The following FGF13 variants were observed in gnomAD, a reference collection of about 807,000 sequenced individuals.
FGF13 encodes fibroblast growth factor 13, also known as fibroblast growth factor homologous factor 2.
Under a neutral mutation model 19.5 loss-of-function variants are expected in FGF13, and 2 were observed. The observed-to-expected ratio is 0.10, with a 90% confidence interval of 0.04 to 0.32. The LOEUF is 0.32. Ranked by LOEUF, FGF13 falls within the 10% of genes least tolerant of loss-of-function variation. The pLI is 1.00. For missense variants in FGF13, 113 were observed against 192.7 expected (o/e 0.59, Z 2.45); for synonymous variants, 72 against 76.9 (o/e 0.94, Z 0.33).
At chrX:139,180,910 T>TA (rs1364324061) in intron 1 of FGF13, among the ~76,000 whole-genome samples, 1 of 112,257 alleles carries the variant, frequency 8.9e-6, no homozygotes, top group African/African-American at 3.2e-5. Context: ...ACGTGCCAGG[T>TA]ACTACATGAA....
intron 1 of FGF13, among the ~76,000 whole-genome samples, chrX:139,090,035 C>G (rs1242717833): frequency 8.9e-6 from 1 of 111,814 alleles, no homozygotes; most frequent in Admixed American, 9.5e-5. Context: ...CTTTTCATAG[C>G]TCCCAGGATA....
intron 1 of FGF13, among the ~76,000 whole-genome samples, chrX:139,113,441 TATTA>T (rs1250925313): frequency 8.9e-6 from 1 of 112,069 alleles, no homozygotes; most frequent in African/African-American, 3.2e-5. Flanking sequence ...TTGCTAGAAT[TATTA>T]ATGTTTCTTC....
chrX:138,723,206 TCTTA>T (rs1442655585), intron 1 of FGF13, among the ~76,000 whole-genome samples: 5 of 111,821 alleles, frequency 4.5e-5, no homozygotes, highest in Non-Finnish European at 9.4e-5. Context: ...TTCTACTCCC[TCTTA>T]CTTTCTTTCT....
intron 3 of FGF13, among the ~76,000 whole-genome samples, chrX:138,818,223 T>C (rs147944681): frequency 0.011 from 1,276 of 111,261 alleles, 10 homozygotes; most frequent in Non-Finnish European, 0.017. Context: ...ATAACATTAA[T>C]CATAATTGTA....
Position 138,852,449 on chromosome X carries a change from T to C in FGF13, c.217+5063A>G, listed in dbSNP as rs1289665159. ...TGACAAACTTGACAAAAACAAGGAG[T>C]TGGGAAAGGATTCCCTACTTAATAA... is the stretch of plus-strand genomic sequence containing the variant. On this transcript the variant is annotated intron_variant, in intron 3 of 6. Coordinates refer to the FGF13 transcript ENST00000436198. Among the ~76,000 whole-genome samples, 6 of 111,043 alleles carry C rather than the reference T, an allele frequency of 5.4e-5. No homozygotes were observed. The East Asian group carries it at 1.7e-3, about 32-fold the overall frequency.
intron 1 of FGF13, among the ~76,000 whole-genome samples, chrX:138,907,052 A>G (rs1032670063): frequency 9.0e-6 from 1 of 111,384 alleles, no homozygotes; most frequent in African/African-American, 3.3e-5. Flanking sequence ...TCTCCATCCC[A>G]TTTATTTCCT....
At chrX:139,126,238 C>T (rs1217034159) in intron 1 of FGF13, among the ~76,000 whole-genome samples, 2 of 111,647 alleles carry the variant, frequency 1.8e-5, no homozygotes, top group Non-Finnish European at 3.8e-5. Flanking sequence ...ACTGACCCTT[C>T]CCATAGAACG....
chrX:138,828,027 C>T (rs1277124197), intron 3 of FGF13, among the ~76,000 whole-genome samples: 1 of 111,559 alleles, frequency 9.0e-6, no homozygotes, highest in Non-Finnish European at 1.9e-5. Context: ...ACACTGGTGA[C>T]GACAAATTCT....
At chrX:138,951,399 A>T (rs895021695) in intron 1 of FGF13, among the ~76,000 whole-genome samples, 1 of 112,117 alleles carries the variant, frequency 8.9e-6, no homozygotes, top group African/African-American at 3.2e-5. Flanking sequence ...ACAATAAAAC[A>T]TTGATAAATT....
At chrX:138,655,041 G>C (rs1441732112) in intron 3 of FGF13, among the ~76,000 whole-genome samples, 4 of 111,621 alleles carry the variant, frequency 3.6e-5, no homozygotes, top group Non-Finnish European at 7.5e-5. Flanking sequence ...AATTCCAAGA[G>C]CTTAAATTTT....
At chrX:138,847,333 G>A (rs1420680247) in intron 3 of FGF13, among the ~76,000 whole-genome samples, 2 of 111,970 alleles carry the variant, frequency 1.8e-5, no homozygotes, top group African/African-American at 6.5e-5. Flanking sequence ...GCACAGTGTT[G>A]TCACTGAAGA....
intron 1 of FGF13, among the ~76,000 whole-genome samples, chrX:139,019,120 T>C (rs1037458908): frequency 8.9e-6 from 1 of 111,879 alleles, no homozygotes; most frequent in African/African-American, 3.2e-5. Context: ...CATGTCTTAT[T>C]TTAAAAATGA....
intron 1 of FGF13, among the ~76,000 whole-genome samples, chrX:139,042,460 G>A (rs1231637532): frequency 9.0e-6 from 1 of 111,401 alleles, no homozygotes; most frequent in Non-Finnish European, 1.9e-5. Context: ...CTCAGTTTAG[G>A]GACAGATTCA....
In FGF13 at chrX:138,842,651, T is replaced by C. The variant is rs2091157046; in HGVS notation, c.217+14861A>G. 2.7e-5 allele frequency among the ~76,000 whole-genome samples: 3 copies of C among 111,071 alleles called. No homozygotes were observed. In the Admixed American group the frequency reaches 2.9e-4, roughly 11 times the overall value. On this transcript the variant is annotated intron_variant, in intron 3 of 6. Coordinates refer to the FGF13 transcript ENST00000436198. ...AGCCCAGTGGTTCTTAACAAGGTGA[T>C]TTTGCTCCTTATGGGATATTTGGCA...
At chrX:139,170,520 C>T (rs192474578) in intron 1 of FGF13, among the ~76,000 whole-genome samples, 234 of 111,835 alleles carry the variant, frequency 2.1e-3, no homozygotes, top group Non-Finnish European at 3.8e-3. Flanking sequence ...TCATAGACCA[C>T]TGGGACTTTG....
At chrX:139,180,639 A>G (rs1404733830) in intron 1 of FGF13, among the ~76,000 whole-genome samples, 1 of 111,490 alleles carries the variant, frequency 9.0e-6, no homozygotes, top group African/African-American at 3.3e-5. Flanking sequence ...AGTAATTACA[A>G]TTGGCTGTAC....
intron 1 of FGF13, among the ~76,000 whole-genome samples, chrX:138,898,423 A>G (rs2091515094): frequency 8.9e-6 from 1 of 112,041 alleles, no homozygotes; most frequent in Non-Finnish European, 1.9e-5. Context: ...ATGTGGATTC[A>G]ATGGATGCTT....
intron 1 of FGF13, among the ~76,000 whole-genome samples, chrX:139,073,286 G>C (rs1371887975): frequency 9.1e-6 from 1 of 110,369 alleles, no homozygotes; most frequent in African/African-American, 3.3e-5. Flanking sequence ...AAATCAGATA[G>C]AGCAGGGAAT....
At chrX:138,970,691 A>G (rs1473005604) in intron 1 of FGF13, among the ~76,000 whole-genome samples, 1 of 111,428 alleles carries the variant, frequency 9.0e-6, no homozygotes, top group East Asian at 2.8e-4. Context: ...TTTAGGAGTT[A>G]ATACATCACT....
Sources: gnomAD v4.1 joint callset for allele counts (sites outside exome capture counted in the v4.1 genomes callset) on GRCh38, gnomAD v4.1.1 for gene constraint, MANE v1.5 for transcripts, NCBI Gene and HGNC (gene_info 2026-07-23, HGNC 2026-07-21) for gene names.